The following MAP3K6 variants were observed in gnomAD, a reference collection of about 807,000 sequenced individuals.
MAP3K6 encodes the protein apoptosis signal-regulating kinase 2.
MAP3K6 carries 105 observed loss-of-function variants against 147.1 expected under a neutral mutation model. The ratio of observed to expected loss-of-function variants is 0.71; its 90% CI spans 0.61 to 0.84. MAP3K6 has a LOEUF of 0.84. Ranked by LOEUF, MAP3K6 falls within the 40% of genes least tolerant of loss-of-function variation. The pLI is 0.00. For synonymous variants in MAP3K6, 695 were observed against 732.4 expected (o/e 0.95, Z 0.82); for missense variants, 1,569 against 1,715.0 (o/e 0.91, Z 1.50).
Position 27,360,947 on chromosome 1 carries a change from C to T in MAP3K6, c.1894G>A (p.Ala632Thr). 6.2e-7 allele frequency: 1 copy of T among 1,607,844 alleles called. No homozygotes were observed. The highest frequency in any genetic ancestry group is 8.5e-7 in the Non-Finnish European group (1 of 1,176,948). ...NPDSTAPAEE[A>T]EGAGEMLEFD... ...TCCAACATCTCCCCCGCGCCCTCCG[C>T]CTCCTCCGCGGGCGCCGTGGAATCC... Residue 632 changes from alanine (A) to threonine (T), a missense_variant, in exon 14 of 29, where the codon GCG (alanine) becomes ACG (threonine). Coordinates refer to ENST00000357582, the MANE Select transcript of MAP3K6 (RefSeq NM_004672.5). The surrounding 1 kb of genome is among the most constrained non-coding windows in gnomAD (Gnocchi z 4.5).
At chr1:27,357,312 TG>T in intron 23 of MAP3K6, 87 bp downstream of exon 23, 1 of 1,496,254 alleles carries the variant, frequency 6.7e-7, no homozygotes, top group Non-Finnish European at 9.1e-7. Context: ...ACAGGGAATC[TG>T]GGAACGTCAA....
Position 27,362,824 on chromosome 1 carries a change from C to T in MAP3K6, c.1142+27G>A. ...ACCACCCCTCATCTCACAGCTTAGC[C>T]CACCGGCCACTCACTGTGCTCTTTA... On this transcript the variant is annotated intron_variant, in intron 7 of 28. Coordinates refer to ENST00000357582, the MANE Select transcript of MAP3K6 (RefSeq NM_004672.5). 1.9e-6 allele frequency: 3 copies of T among 1,612,780 alleles called. No individual in the cohort carries two copies. In the South Asian group the frequency reaches 3.3e-5, roughly 18 times the overall value.
At chr1:27,355,628 G>C in intron 28 of MAP3K6, 41 bp downstream of exon 28, 1 of 1,607,870 alleles carries the variant, frequency 6.2e-7, no homozygotes, top group Non-Finnish European at 8.5e-7. Context: ...GCCAGGATGA[G>C]GCCATATGCA....
At chr1:27,355,990 G>C in intron 27 of MAP3K6, 36 bp downstream of exon 27, 1 of 1,596,564 alleles carries the variant, frequency 6.3e-7, no homozygotes, top group Non-Finnish European at 8.6e-7. Flanking sequence ...GCTTTGGCTG[G>C]TGAGGTCAGG....
rs367690350 is a variant in MAP3K6 at position 27,355,207 on chromosome 1, G to A, written c.*184C>T. ...GGTTCAAAAGTGTTCTGTTTAATAC[G>A]CTTTGTCTGGTAGTGCTTGGGTGCC... On this transcript the variant is annotated 3_prime_UTR_variant, in exon 29 of 29. Coordinates refer to ENST00000357582, the MANE Select transcript of MAP3K6 (RefSeq NM_004672.5). 1.8e-4 allele frequency: 124 copies of A among 695,978 alleles called. 2 individuals carry two copies. The East Asian group carries it at 2.3e-3, about 13-fold the overall frequency. The allele number at this position is 695,978 out of a possible 1,614,324, so 43.1% of individuals were successfully genotyped here.
chr1:27,355,226 G>C lies in MAP3K6; in HGVS notation c.*165C>G. The C allele has an allele frequency of 1.4e-6, 1 of 730,778 alleles. No homozygotes were observed. Among genetic ancestry groups the C allele is most frequent in the Non-Finnish European group, 2.5e-6 (1 of 395,724 alleles). The allele number at this position is 730,778 out of a possible 1,614,324, so 45.3% of individuals were successfully genotyped here. A position where few individuals can be genotyped will look rare whatever the true frequency, so the allele number is the denominator to read the frequency against. On this transcript the variant is annotated 3_prime_UTR_variant, in exon 29 of 29. Coordinates refer to ENST00000357582, the MANE Select transcript of MAP3K6 (RefSeq NM_004672.5). Reference sequence around the variant, plus strand: ...TAATACGCTTTGTCTGGTAGTGCTTGGGTGCCTGTGGTTGGTTTCTCTCAC... The same window carrying C: ...TAATACGCTTTGTCTGGTAGTGCTTCGGTGCCTGTGGTTGGTTTCTCTCAC...
In MAP3K6 at chr1:27,358,698, A is replaced by C. The variant is rs761087641; in HGVS notation, c.2583+11T>G. 1.9e-6 allele frequency: 3 copies of C among 1,613,772 alleles called. No individual in the cohort carries two copies. Among genetic ancestry groups the C allele is most frequent in the Non-Finnish European group, 2.5e-6 (3 of 1,179,982 alleles). Reference sequence around the variant, plus strand: ...TGCCACTTCCATGGGCCAGGCCCAAAGAGGTCTCACCTGAAACATGGCAGC... The same window carrying C: ...TGCCACTTCCATGGGCCAGGCCCAACGAGGTCTCACCTGAAACATGGCAGC... On this transcript the variant is annotated intron_variant, in intron 19 of 28. Transcript: ENST00000357582. This position sits in a 1 kb window ranked among gnomAD's most constrained non-coding sequence, Gnocchi z 6.2.
At position 27,360,454 on chromosome 1, in the gene MAP3K6, G is replaced by T; in HGVS notation, c.2055-86C>A. The T allele has an allele frequency of 9.3e-7, 1 of 1,071,164 alleles. No homozygotes were observed. Among genetic ancestry groups the T allele is most frequent in the Non-Finnish European group, 1.2e-6 (1 of 841,736 alleles). 66.4% of individuals were successfully genotyped at this position (1,071,164 alleles called of 1,614,324 possible). On this transcript the variant is annotated intron_variant, in intron 15 of 28. Coordinates refer to ENST00000357582, the MANE Select transcript of MAP3K6 (RefSeq NM_004672.5). This position sits in a 1 kb window ranked among gnomAD's most constrained non-coding sequence, Gnocchi z 4.5. ...CCACGCCAGCCTGGCCCCGCCCCAAGGACCCGCCCCGCCCACAAGCCCTCT... is the reference window on the plus strand; with the variant it reads ...CCACGCCAGCCTGGCCCCGCCCCAATGACCCGCCCCGCCCACAAGCCCTCT...
Position 27,357,545 on chromosome 1 carries a change from T to A in MAP3K6, c.3113A>T (p.Glu1038Val). ...GTGTGCCCCGAGGCAGCGCAGCAGCTCTTCCACATGGTTTCTGCCCAGACG... is the reference window on the plus strand; with the variant it reads ...GTGTGCCCCGAGGCAGCGCAGCAGCACTTCCACATGGTTTCTGCCCAGACG... Reference protein sequence around the residue: ...GARLGRNHVEELLRCLGAHIH... With the variant: ...GARLGRNHVEVLLRCLGAHIH... The change falls in exon 23 of 29, where the codon GAG becomes GTG. Residue 1038 changes from glutamate (E) to valine (V), a missense_variant. Physicochemically the swap from Glu to Val is moderately radical, Grantham distance 121. Coordinates refer to ENST00000357582, the MANE Select transcript of MAP3K6 (RefSeq NM_004672.5). The A allele has an allele frequency of 1.9e-6, 3 of 1,612,818 alleles. No individual in the cohort carries two copies. The highest frequency in any genetic ancestry group is 2.5e-6 in the Non-Finnish European group (3 of 1,179,464).
rs574304067 is a variant in MAP3K6, at chr1:27,357,613, A to G, written c.3082-37T>C. 6 of 1,593,484 alleles carry G rather than the reference A, an allele frequency of 3.8e-6. No homozygotes were observed. In the Admixed American group the frequency reaches 1.0e-4, roughly 27 times the overall value. ...GAGAGGGGTTGTCAGCGAGTGCTCCAGCCAAAAGAGACGCTGCCGCGGAGG... is the reference window on the plus strand; with the variant it reads ...GAGAGGGGTTGTCAGCGAGTGCTCCGGCCAAAAGAGACGCTGCCGCGGAGG... On this transcript the variant is annotated intron_variant, in intron 22 of 28. Coordinates refer to ENST00000357582, the MANE Select transcript of MAP3K6 (RefSeq NM_004672.5).
chr1:27,358,255 GCACGGGAA>G lies in MAP3K6; in HGVS notation c.2833_2840del (p.Phe945ProfsTer190). ...GTGGGTGCTGAGAGGGTGCCTGAGG[GCACGGGAA>G]TGTCTGAGACTGGGTGGTTGAGTTG... On this transcript the variant is annotated frameshift_variant, in exon 21 of 29. Coordinates refer to ENST00000357582, the MANE Select transcript of MAP3K6 (RefSeq NM_004672.5). LOFTEE classifies it high-confidence loss of function. This position sits in a 1 kb window ranked among gnomAD's most constrained non-coding sequence, Gnocchi z 6.2. The G allele has an allele frequency of 6.2e-7, 1 of 1,601,066 alleles. No homozygotes were observed. Among genetic ancestry groups the G allele is most frequent in the African/African-American group, 1.4e-5 (1 of 73,860 alleles).
In MAP3K6 at chr1:27,358,577, C is replaced by T. The variant is rs781150055; in HGVS notation, c.2618G>A (p.Ser873Asn). 1 of 1,613,254 alleles carries T rather than the reference C, an allele frequency of 6.2e-7. No individual in the cohort carries two copies. Among genetic ancestry groups the T allele is most frequent in the East Asian group, 2.2e-5 (1 of 44,878 alleles). Residue 873 changes from serine to asparagine, a missense_variant, in exon 20 of 29, where the codon AGC becomes AAC. Ser to Asn is a conservative substitution (Grantham distance 46). Coordinates refer to ENST00000357582, the MANE Select transcript of MAP3K6 (RefSeq NM_004672.5). The surrounding 1 kb of genome is among the most constrained non-coding windows in gnomAD (Gnocchi z 6.2). ...GMYKVHPPMP[S>N]SLSAEAQAFL... Reference sequence around the variant, plus strand: ...GGCTTGGGCCTCGGCCGACAGAGAGCTGGGCATTGGCGGATGGACCTTGTA... The same window carrying T: ...GGCTTGGGCCTCGGCCGACAGAGAGTTGGGCATTGGCGGATGGACCTTGTA...
At chr1:27,363,087 A>T (rs2015844162) in intron 6 of MAP3K6, 66 bp from the exon 7 acceptor site, 3 of 1,448,778 alleles carry the variant, frequency 2.1e-6, no homozygotes. Flanking sequence ...GGACCTCTAG[A>T]CACTGAACCA....
chr1:27,366,332 G>C lies in MAP3K6; in HGVS notation c.266C>G (p.Pro89Arg), dbSNP rs1378777477. The C allele has an allele frequency of 1.5e-6, 2 of 1,296,098 alleles. No homozygotes were observed. The highest frequency in any genetic ancestry group is 9.8e-7 in the Non-Finnish European group (1 of 1,023,676). The allele number at this position is 1,296,098 out of a possible 1,614,324, so 80.3% of individuals were successfully genotyped here. A position where few individuals can be genotyped will look rare whatever the true frequency, so the allele number is the denominator to read the frequency against. Residue 89 changes from proline to arginine, a missense_variant, in exon 1 of 29, where the codon CCG (proline) becomes CGG (arginine). Pro to Arg is a moderately radical substitution (Grantham distance 103, BLOSUM62 -2). Coordinates refer to ENST00000357582, the MANE Select transcript of MAP3K6 (RefSeq NM_004672.5). This position sits in a 1 kb window ranked among gnomAD's most constrained non-coding sequence, Gnocchi z 5.5. ...CCCGAAGGGCAGGCTGCGCAGCTGCGGGGGCGGCCGCGGCCGGGGGACCTG... is the reference window on the plus strand; with the variant it reads ...CCCGAAGGGCAGGCTGCGCAGCTGCCGGGGCGGCCGCGGCCGGGGGACCTG... ...CAQVPRPRPP[P>R]QLRSLPFGTL...
In MAP3K6 at chr1:27,363,038, C is replaced by T; in HGVS notation, c.972-17G>A. The T allele has an allele frequency of 2.5e-6, 4 of 1,607,220 alleles. No individual in the cohort carries two copies. The highest frequency in any genetic ancestry group is 2.2e-5 in the East Asian group (1 of 44,762). On this transcript the variant is annotated splice_polypyrimidine_tract_variant and intron_variant, in intron 6 of 28. Transcript: ENST00000357582. Reference sequence around the variant, plus strand: ...CTGTTCCTCCTAGGGAAAAGATGGGCTCAGGCCCTCCCTGATGGCCCTGGC... The same window carrying T: ...CTGTTCCTCCTAGGGAAAAGATGGGTTCAGGCCCTCCCTGATGGCCCTGGC...
chr1:27,366,169 GC>G lies in MAP3K6; in HGVS notation c.340+88del. 1 of 1,212,716 alleles carries G rather than the reference GC, an allele frequency of 8.2e-7. No homozygotes were observed. The highest frequency in any genetic ancestry group is 1.0e-6 in the Non-Finnish European group (1 of 965,180). The allele number at this position is 1,212,716 out of a possible 1,614,324, so 75.1% of individuals were successfully genotyped here. A position where few individuals can be genotyped will look rare whatever the true frequency, so the allele number is the denominator to read the frequency against. ...TCCCCTAGACCCGGTACCCCTCTCG[GC>G]CCCTCCCTTGAGCCTTCGAGCCCGG... On this transcript the variant is annotated intron_variant, in intron 1 of 28. Transcript: ENST00000357582. The surrounding 1 kb of genome is among the most constrained non-coding windows in gnomAD (Gnocchi z 5.5).
At position 27,361,205 on chromosome 1, in the gene MAP3K6, G is replaced by C. The variant is rs139401154; in HGVS notation, c.1784C>G (p.Pro595Arg). The change falls in exon 13 of 29, where the codon CCG becomes CGG. Residue 595 changes from proline (P) to arginine (R), a missense_variant. Coordinates refer to ENST00000357582, the MANE Select transcript of MAP3K6 (RefSeq NM_004672.5). Reference protein sequence around the residue: ...ERCCFLYALPPAQDVQLCFPS... With the variant: ...ERCCFLYALPRAQDVQLCFPS... ...GAAGCACAGCTGGACGTCCTGAGCC[G>C]GGGGGAGTGCATAGAGGAAGCAGCA... 27 of 1,612,178 alleles carry C rather than the reference G, an allele frequency of 1.7e-5. No homozygotes were observed. In the Admixed American group the frequency reaches 2.0e-4, roughly 12 times the overall value.
chr1:27,355,614 G>A, intron 28 of MAP3K6, 55 bp downstream of exon 28: 1 of 1,598,826 alleles, frequency 6.3e-7, no homozygotes, highest in East Asian at 2.2e-5. Flanking sequence ...CAGGCCTGCA[G>A]TTGGCCAGGA....
At position 27,360,750 on chromosome 1, in the gene MAP3K6, G is replaced by T. The variant is rs1441041788; in HGVS notation, c.2009C>A (p.Thr670Lys). Residue 670 changes from threonine to lysine, a missense_variant, in exon 15 of 29, where the codon ACG becomes AAG. By Grantham distance (78) the Thr-to-Lys change is moderately conservative. Transcript: ENST00000357582. The surrounding 1 kb of genome is among the most constrained non-coding windows in gnomAD (Gnocchi z 4.5). ...CTCCTTGATGGCGATGCGCACCCTC[G>T]TGTGGCGATCGCGGCCCGCGTACAC... is the stretch of plus-strand genomic sequence containing the variant. ...GVVYAGRDRH[T>K]RVRIAIKEIP... 1 of 1,612,476 alleles carries T rather than the reference G, an allele frequency of 6.2e-7. No homozygotes were observed. Among genetic ancestry groups the T allele is most frequent in the African/African-American group, 1.3e-5 (1 of 74,882 alleles).
Sources: gnomAD v4.1 joint callset for allele counts on GRCh38, gnomAD v4.1.1 for gene constraint, Gnocchi (gnomAD v3.1) non-coding constraint, MANE v1.5 for transcripts, NCBI Gene and HGNC (gene_info 2026-07-23, HGNC 2026-07-21) for gene names.